Variants in TMEM163 observed in about 807,000 individuals in gnomAD.
TMEM163 encodes the protein transmembrane protein 163.
TMEM163 carries 17 observed loss-of-function variants against 29.3 expected under a neutral mutation model. The observed-to-expected ratio is 0.58, with a 90% CI of 0.40 to 0.87. The LOEUF (loss-of-function observed/expected upper bound fraction) is 0.87. Among genes scored for constraint, TMEM163 ranks in the 40% least tolerant of loss-of-function variants. The pLI is 0.00. For missense variants in TMEM163, 303 were observed against 381.5 expected (o/e 0.79, Z 1.71); for synonymous variants, 157 against 160.6 (o/e 0.98, Z 0.17).
chr2:134,552,039 G>A lies in TMEM163; in HGVS notation c.366+9C>T. The A allele has an allele frequency of 6.2e-7, 1 of 1,612,650 alleles. No homozygotes were observed. Among genetic ancestry groups the A allele is most frequent in the South Asian group, 1.1e-5 (1 of 90,808 alleles). ...AAAACTTGATGAAAGTACATTTCAG[G>A]TTACTTACTGCAAACCCAAAAGCAG... On this transcript the variant is annotated intron_variant, in intron 3 of 7. Coordinates refer to ENST00000281924, the MANE Select transcript of TMEM163 (RefSeq NM_030923.5).
At chr2:134,586,577 C>T (rs577461333) in intron 2 of TMEM163, among the ~76,000 whole-genome samples, 3 of 152,332 alleles carry the variant, frequency 2.0e-5, no homozygotes, top group Admixed American at 6.5e-5. Flanking sequence ...ATTACATCTG[C>T]AACAATCTTA....
intron 7 of TMEM163, 25 bp from the exon 8 acceptor site, chr2:134,456,801 T>A: frequency 6.2e-7 from 1 of 1,611,962 alleles, no homozygotes; most frequent in East Asian, 2.2e-5. Flanking sequence ...ACAGACAAGG[T>A]CACCTCCATG....
chr2:134,622,658 G>GT (rs558978307), intron 2 of TMEM163, among the ~76,000 whole-genome samples: 48 of 152,212 alleles, frequency 3.2e-4, no homozygotes, highest in Non-Finnish European at 5.3e-4. Context: ...ATTAAGTCAA[G>GT]TTGTTTTCTC....
chr2:134,524,415 C>T (rs1199741643), intron 4 of TMEM163, among the ~76,000 whole-genome samples: 2 of 136,386 alleles, frequency 1.5e-5, no homozygotes, highest in Non-Finnish European at 3.3e-5. Context: ...GCAGGACGTG[C>T]AAGTTTGTTA....
At chr2:134,639,427 C>T (rs1683180227) in intron 2 of TMEM163, among the ~76,000 whole-genome samples, 1 of 152,238 alleles carries the variant, frequency 6.6e-6, no homozygotes. Context: ...CTGTGTAGTA[C>T]TGCCATGGTC....
At position 134,508,436 on chromosome 2, in the gene TMEM163, G is replaced by A. The variant is rs554495484; in HGVS notation, c.459-5439C>T. Among the ~76,000 whole-genome samples the A allele has an allele frequency of 1.1e-4, 17 of 152,294 alleles. 1 individual carries two copies. The highest frequency in any genetic ancestry group is 1.0e-4 in the Non-Finnish European group (7 of 68,024). ...GTTAAGTGGTGTGAGCATATAACAC[G>A]GTACTTATGACTGCACAATTCCTAA... On this transcript the variant is annotated intron_variant, in intron 4 of 7. Transcript: ENST00000281924.
At chr2:134,579,724 C>T (rs1030824008) in intron 2 of TMEM163, among the ~76,000 whole-genome samples, 2 of 152,190 alleles carry the variant, frequency 1.3e-5, no homozygotes, top group Non-Finnish European at 2.9e-5. Context: ...GCCATAAAGA[C>T]AGGGCAGATT....
chr2:134,563,813 G>C (rs190722994), intron 2 of TMEM163, among the ~76,000 whole-genome samples: 1 of 152,170 alleles, frequency 6.6e-6, no homozygotes, highest in East Asian at 1.9e-4. Flanking sequence ...CCAGCACTTT[G>C]GGAGGCCAAG....
intron 4 of TMEM163, among the ~76,000 whole-genome samples, chr2:134,522,714 C>A (rs1680213414): frequency 6.6e-6 from 1 of 152,244 alleles, no homozygotes; most frequent in Admixed American, 6.5e-5. Context: ...AGAGAAAAGT[C>A]ATTTATTATT....
intron 4 of TMEM163, among the ~76,000 whole-genome samples, chr2:134,529,361 C>A (rs561482809): frequency 6.7e-6 from 1 of 149,830 alleles, no homozygotes; most frequent in Admixed American, 6.7e-5. Context: ...TATAAACCTG[C>A]GCACATGCAT....
In TMEM163 at chr2:134,708,599, T is replaced by G. The variant is rs183283677; in HGVS notation, c.322+4601A>C. 1.3e-4 allele frequency among the ~76,000 whole-genome samples: 19 copies of G among 151,990 alleles called. No individual in the cohort carries two copies. The South Asian group carries it at 2.5e-3, about 20-fold the overall frequency. ...ATTTATTTATTTATTTTTATTTTTA[T>G]TTTTTGAGACAGAGTCTTGCTCTGT... is the stretch of plus-strand genomic sequence containing the variant. On this transcript the variant is annotated intron_variant, in intron 2 of 7. Coordinates refer to ENST00000281924, the MANE Select transcript of TMEM163 (RefSeq NM_030923.5).
chr2:134,623,604 T>C (rs1160048075), intron 2 of TMEM163, among the ~76,000 whole-genome samples: 10 of 151,944 alleles, frequency 6.6e-5, no homozygotes, highest in Admixed American at 3.3e-4. Context: ...TCCATCTCTA[T>C]TAAAAACATG....
intron 2 of TMEM163, among the ~76,000 whole-genome samples, chr2:134,600,823 G>A (rs1170427865): frequency 6.6e-6 from 1 of 152,138 alleles, no homozygotes; most frequent in African/African-American, 2.4e-5. Flanking sequence ...CAGTTGCCAT[G>A]CGGTTTTCAG....
At chr2:134,709,910 C>A (rs1053500010) in intron 2 of TMEM163, among the ~76,000 whole-genome samples, 58 of 152,322 alleles carry the variant, frequency 3.8e-4, no homozygotes, top group African/African-American at 1.4e-3. Context: ...CTCTATAACC[C>A]CTTATCATCA....
chr2:134,479,892 G>A (rs1371024873), intron 5 of TMEM163, among the ~76,000 whole-genome samples: 1 of 152,222 alleles, frequency 6.6e-6, no homozygotes, highest in Non-Finnish European at 1.5e-5. Flanking sequence ...CTAATTTTAG[G>A]ATTCAAAGGC....
intron 2 of TMEM163, among the ~76,000 whole-genome samples, chr2:134,564,860 G>A (rs1681262564): frequency 6.6e-6 from 1 of 152,210 alleles, no homozygotes; most frequent in African/African-American, 2.4e-5. Context: ...CGTTAGTAAG[G>A]ATGCAATACA....
chr2:134,471,612 G>A (rs989654500), intron 5 of TMEM163, among the ~76,000 whole-genome samples: 1 of 152,192 alleles, frequency 6.6e-6, no homozygotes, highest in South Asian at 2.1e-4. Context: ...TTAATAAAAG[G>A]AAGTTTCTGA....
chr2:134,594,310 T>C (rs1364881911), intron 2 of TMEM163, among the ~76,000 whole-genome samples: 2 of 152,088 alleles, frequency 1.3e-5, no homozygotes, highest in African/African-American at 2.4e-5. Flanking sequence ...ATTAATGCAA[T>C]CTAAAGGTTC....
chr2:134,587,565 C>A (rs944389982), intron 2 of TMEM163, among the ~76,000 whole-genome samples: 1 of 152,188 alleles, frequency 6.6e-6, no homozygotes, highest in Non-Finnish European at 1.5e-5. Context: ...TAAGAAGACA[C>A]AAGAGAACCC....
Sources: gnomAD v4.1 joint callset for allele counts (sites outside exome capture counted in the v4.1 genomes callset) on GRCh38, gnomAD v4.1.1 for gene constraint, MANE v1.5 for transcripts, NCBI Gene and HGNC (gene_info 2026-07-23, HGNC 2026-07-21) for gene names.